Variants in DOCK8 observed in about 807,000 individuals in gnomAD.
DOCK8 encodes the protein dedicator of cytokinesis 8.
DOCK8 carries 141 observed loss-of-function variants against 245.6 expected under a neutral mutation model. The ratio of observed to expected loss-of-function variants is 0.57; its 90% CI spans 0.50 to 0.66. The LOEUF is 0.66. Ranked by LOEUF, DOCK8 falls within the 30% of genes least tolerant of loss-of-function variation. The pLI is 0.00. For missense variants in DOCK8, 2,965 were observed against 2,603.4 expected (o/e 1.14, Z -3.02); for synonymous variants, 1,168 against 970.2 (o/e 1.20, Z -3.79).
At chr9:261,768 C>T (rs532134614) in intron 1 of DOCK8, among the ~76,000 whole-genome samples, 29 of 152,106 alleles carry the variant, frequency 1.9e-4, no homozygotes, top group African/African-American at 6.7e-4. Context: ...TATTTTGAGC[C>T]TATATTACTT....
At chr9:457,110 G>A (rs1410640378) in intron 46 of DOCK8, 1 of 149,890 alleles carries the variant, frequency 6.7e-6, no homozygotes, top group African/African-American at 2.5e-5. Flanking sequence ...TGTGTAGAGT[G>A]TAGGTGGAAA....
At chr9:283,016 ATATAT>A (rs1336984556) in intron 2 of DOCK8, among the ~76,000 whole-genome samples, 8 of 152,118 alleles carry the variant, frequency 5.3e-5, no homozygotes, top group African/African-American at 1.9e-4. Context: ...GTCCTGGTAA[ATATAT>A]TATTTGACTC....
At chr9:214,108 C>G (rs1587589674), upstream of DOCK8, 1 of 237,414 alleles carries the variant, frequency 4.2e-6, no homozygotes, top group East Asian at 1.5e-4. Flanking sequence ...CAGGTTAGAG[C>G]AGCACGCCGG....
intron 14 of DOCK8, among the ~76,000 whole-genome samples, chr9:356,462 A>G (rs1360745414): frequency 1.3e-5 from 2 of 151,422 alleles, no homozygotes; most frequent in African/African-American, 4.8e-5. Context: ...CCCAGGAGGC[A>G]GAGCTTGCAG....
chr9:384,784 CG>C (rs2053878949), intron 22 of DOCK8, among the ~76,000 whole-genome samples: 1 of 152,020 alleles, frequency 6.6e-6, no homozygotes, highest in Non-Finnish European at 1.5e-5. Context: ...GGCGTGGTGG[CG>C]GGCGCCTGTA....
At chr9:283,326 C>T (rs2048670439) in intron 2 of DOCK8, among the ~76,000 whole-genome samples, 1 of 152,174 alleles carries the variant, frequency 6.6e-6, no homozygotes, top group South Asian at 2.1e-4. Flanking sequence ...CTCCATGACG[C>T]CACAAGTGGA....
chr9:408,929 T>C (rs556413383), intron 28 of DOCK8, among the ~76,000 whole-genome samples: 1 of 151,742 alleles, frequency 6.6e-6, no homozygotes, highest in African/African-American at 2.4e-5. Context: ...GTACCCTTTC[T>C]CCCCCAAAAG....
upstream of DOCK8, among the ~76,000 whole-genome samples, chr9:212,562 C>G (rs141810214): frequency 1.1e-3 from 174 of 152,304 alleles, no homozygotes; most frequent in African/African-American, 3.8e-3. Context: ...AACAGCAGAT[C>G]AAACTTGAAA....
At chr9:349,790 G>A (rs916197652) in intron 14 of DOCK8, among the ~76,000 whole-genome samples, 17 of 152,128 alleles carry the variant, frequency 1.1e-4, no homozygotes, top group African/African-American at 4.1e-4. Flanking sequence ...ATACACAAAT[G>A]TACACAATAG....
At chr9:354,978 A>T (rs2052353463) in intron 14 of DOCK8, among the ~76,000 whole-genome samples, 1 of 152,162 alleles carries the variant, frequency 6.6e-6, no homozygotes, top group East Asian at 1.9e-4. Flanking sequence ...TCAAAGGGAG[A>T]GGATTTCACA....
intron 22 of DOCK8, among the ~76,000 whole-genome samples, chr9:384,510 C>T (rs916884513): frequency 3.9e-5 from 6 of 152,176 alleles, no homozygotes; most frequent in South Asian, 4.1e-4. Flanking sequence ...AATACTGCCC[C>T]GCTGTGTGGC....
intron 39 of DOCK8, among the ~76,000 whole-genome samples, chr9:436,706 C>A (rs916176552): frequency 3.3e-5 from 5 of 152,150 alleles, no homozygotes; most frequent in Admixed American, 6.5e-5. Context: ...CACATTATTC[C>A]GACATGGGGG....
chr9:227,324 G>A (rs1338764492), intron 1 of DOCK8, among the ~76,000 whole-genome samples: 1 of 152,214 alleles, frequency 6.6e-6, no homozygotes, highest in Non-Finnish European at 1.5e-5. Flanking sequence ...TTTTGTTTAA[G>A]ACGATGTAGT....
chr9:224,859 G>A (rs1024275536), intron 1 of DOCK8, among the ~76,000 whole-genome samples: 3 of 152,170 alleles, frequency 2.0e-5, no homozygotes, highest in African/African-American at 7.2e-5. Flanking sequence ...GACAATGCAG[G>A]AGTCCCTTAT....
At chr9:365,427 G>A (rs2052937383) in intron 14 of DOCK8, among the ~76,000 whole-genome samples, 1 of 152,108 alleles carries the variant, frequency 6.6e-6, no homozygotes, top group African/African-American at 2.4e-5. Context: ...CACATTTGTA[G>A]GTTTACAGAG....
intron 1 of DOCK8, chr9:215,779 G>A (rs142782920): frequency 1.0e-5 from 2 of 192,588 alleles, no homozygotes; most frequent in East Asian, 1.5e-4. Flanking sequence ...ACTGCTCAAA[G>A]TTCTCAGTAA....
At chr9:324,538 GT>G (rs1435294534) in intron 7 of DOCK8, among the ~76,000 whole-genome samples, 1 of 152,022 alleles carries the variant, frequency 6.6e-6, no homozygotes, top group African/African-American at 2.4e-5. Flanking sequence ...GGGATTCACC[GT>G]TTCGAGGGGA....
At chr9:334,144 G>C (rs2051191470) in intron 10 of DOCK8, 81 bp from the exon 11 acceptor site, 1 of 1,515,902 alleles carries the variant, frequency 6.6e-7, no homozygotes, top group Non-Finnish European at 9.1e-7. Flanking sequence ...GGATTTTGGA[G>C]ATGGCTGTCA....
intron 2 of DOCK8, among the ~76,000 whole-genome samples, chr9:276,080 G>T (rs147486408): frequency 0.011 from 1,624 of 144,714 alleles, 28 homozygotes; most frequent in African/African-American, 0.04. Flanking sequence ...TAGTAAAGAC[G>T]GGGTTTCGCC....
Sources: gnomAD v4.1 joint callset for allele counts (sites outside exome capture counted in the v4.1 genomes callset) on GRCh38, gnomAD v4.1.1 for gene constraint, MANE v1.5 for transcripts, NCBI Gene and HGNC (gene_info 2026-07-23, HGNC 2026-07-21) for gene names.